The following MCCC1 variants were observed in gnomAD, a reference collection of about 807,000 sequenced individuals.
The protein encoded by MCCC1 is methylcrotonyl-CoA carboxylase subunit 1, also known as methylcrotonoyl-CoA carboxylase subunit alpha, mitochondrial.
In MCCC1, 64 loss-of-function variants were observed where a neutral mutation model predicts 83.8. The observed-to-expected ratio is 0.76, with a 90% CI of 0.62 to 0.94. The LOEUF (loss-of-function observed/expected upper bound fraction) is 0.94, where lower values mean the gene tolerates loss of function less well. MCCC1 is among the 40% of genes least tolerant of loss of function. The probability of loss-of-function intolerance (pLI) is 0.00; values close to 1 mark genes in which losing one functional copy is unlikely to be tolerated. For synonymous variants in MCCC1, 322 were observed against 315.4 expected, an observed-to-expected ratio of 1.02 and a Z score of -0.22; for missense variants, 807 against 904.7, an observed-to-expected ratio of 0.89 and a Z score of 1.39.
rs146246447 is a variant in MCCC1 at position 183,043,407 on chromosome 3, A to C, written c.1084-1657T>G. Among the ~76,000 whole-genome samples, 1,125 of 152,302 alleles carry C rather than the reference A, an allele frequency of 7.4e-3. 11 individuals are homozygous for C. Among genetic ancestry groups the C allele is most frequent in the African/African-American group, 0.026 (1,080 of 41,560 alleles). On this transcript the variant is annotated intron_variant, in intron 10 of 18. Transcript: ENST00000265594. Reference sequence around the variant, plus strand: ...GGTCTTTGGAGATATGTGCCATTTGAGTTCTCTCAGGCTGACACTGGCTCT... The same window carrying C: ...GGTCTTTGGAGATATGTGCCATTTGCGTTCTCTCAGGCTGACACTGGCTCT...
chr3:183,059,635 A>G (rs1030923284), intron 7 of MCCC1, among the ~76,000 whole-genome samples: 1 of 152,176 alleles, frequency 6.6e-6, no homozygotes, highest in Non-Finnish European at 1.5e-5. Context: ...TTCTGACCTA[A>G]AACATTTTAT....
At chr3:183,075,944 TA>T (rs1447595981) in intron 4 of MCCC1, among the ~76,000 whole-genome samples, 1 of 152,222 alleles carries the variant, frequency 6.6e-6, no homozygotes, top group Non-Finnish European at 1.5e-5. Context: ...ACTTTGCAAA[TA>T]TTTTCTCCCA....
intron 4 of MCCC1, among the ~76,000 whole-genome samples, chr3:183,074,774 G>T (rs1716942872): frequency 6.6e-6 from 1 of 152,150 alleles, no homozygotes. Flanking sequence ...GATTACACAG[G>T]TGAATACATG....
rs369093010 is a variant in MCCC1 at position 183,039,130 on chromosome 3, C to G, written c.1273G>C (p.Glu425Gln). 5 of 1,614,070 alleles carry G rather than the reference C, an allele frequency of 3.1e-6. No individual in the cohort carries two copies. The African/African-American group carries it at 6.7e-5, about 22-fold the overall frequency. ...RIETGVRQGD[E>Q]VSVHYDPMIA... Reference sequence around the variant, plus strand: ...ATGGGGTCATAATGCACGGAAACTTCGTCTCCTGAAATTGAAAACCACGGT... The same window carrying G: ...ATGGGGTCATAATGCACGGAAACTTGGTCTCCTGAAATTGAAAACCACGGT... The change falls in exon 12 of 19, where the codon GAA becomes CAA. Residue 425 changes from glutamate to glutamine, a missense_variant. By Grantham distance (29) the Glu-to-Gln change is conservative (BLOSUM62 2). Coordinates refer to ENST00000265594, the MANE Select transcript of MCCC1 (RefSeq NM_020166.5).
chr3:183,102,532 G>A (rs1162396304), upstream of MCCC1, among the ~76,000 whole-genome samples: 1 of 151,864 alleles, frequency 6.6e-6, no homozygotes, highest in East Asian at 1.9e-4. Context: ...TATTCACAGA[G>A]GCTTAATAGG....
At chr3:183,052,427 TG>T (rs1715048973) in intron 8 of MCCC1, among the ~76,000 whole-genome samples, 187 bp from the exon 9 acceptor site, 1 of 152,196 alleles carries the variant, frequency 6.6e-6, no homozygotes, top group African/African-American at 2.4e-5. Flanking sequence ...ACACTGTAGC[TG>T]TCATAACATC....
chr3:183,062,215 CT>C (rs1361042677), intron 7 of MCCC1, among the ~76,000 whole-genome samples: 1 of 152,200 alleles, frequency 6.6e-6, no homozygotes, highest in African/African-American at 2.4e-5. Context: ...ACACATACCA[CT>C]TCTGACTCTC....
intron 3 of MCCC1, among the ~76,000 whole-genome samples, chr3:183,091,759 T>C (rs1253925225): frequency 1.3e-5 from 2 of 152,074 alleles, no homozygotes; most frequent in African/African-American, 2.4e-5. Flanking sequence ...AGAGCCTGGA[T>C]TGGCTAGGCA....
rs754323766 is a variant in MCCC1 at position 183,015,405 on chromosome 3, A to G, written c.*33T>C. 6.2e-7 allele frequency: 1 copy of G among 1,613,518 alleles called. No homozygotes were observed. Among genetic ancestry groups the G allele is most frequent in the Admixed American group, 1.7e-5 (1 of 60,010 alleles). On this transcript the variant is annotated 3_prime_UTR_variant, in exon 19 of 19. Transcript: ENST00000265594. ...TTCCTCTTTTTGGTGGAGAGAGAAGACACTACTTAACTGGCCATTTCCTTG... is the reference window on the plus strand; with the variant it reads ...TTCCTCTTTTTGGTGGAGAGAGAAGGCACTACTTAACTGGCCATTTCCTTG...
upstream of MCCC1, among the ~76,000 whole-genome samples, chr3:183,104,016 G>A (rs1226107743): frequency 1.3e-5 from 2 of 152,104 alleles, no homozygotes; most frequent in African/African-American, 2.4e-5. Flanking sequence ...GCCCCGGGCC[G>A]GCAGGGCCGG....
intron 15 of MCCC1, among the ~76,000 whole-genome samples, chr3:183,023,731 C>G (rs954811262): frequency 6.6e-6 from 1 of 152,120 alleles, no homozygotes; most frequent in Non-Finnish European, 1.5e-5. Context: ...TCTCTTAGCT[C>G]ATATTAAAAA....
chr3:183,058,285 G>A (rs1715573681), intron 7 of MCCC1, among the ~76,000 whole-genome samples: 1 of 152,110 alleles, frequency 6.6e-6, no homozygotes, highest in Non-Finnish European at 1.5e-5. Context: ...TGGACCATTA[G>A]TATCTCAGAA....
chr3:183,063,725 A>C lies in MCCC1; in HGVS notation c.762-6303T>G, dbSNP rs536271928. Reference sequence around the variant, plus strand: ...GTCTGGATCAGGACCCCCGTCTGGTAACATCTTTCTGGTGACCACAGAAGG... The same window carrying C: ...GTCTGGATCAGGACCCCCGTCTGGTCACATCTTTCTGGTGACCACAGAAGG... On this transcript the variant is annotated intron_variant, in intron 7 of 18. Transcript: ENST00000265594. Among the ~76,000 whole-genome samples the C allele has an allele frequency of 2.0e-5, 3 of 152,194 alleles. No individual in the cohort carries two copies. The South Asian group carries it at 6.2e-4, about 32-fold the overall frequency.
At position 183,020,168 on chromosome 3, in the gene MCCC1, C is replaced by T. The variant is rs1385646451; in HGVS notation, c.1939G>A (p.Gly647Ser). Residue 647 changes from glycine to serine, a missense_variant, in exon 17 of 19, where the codon GGC (glycine) becomes AGC (serine). By Grantham distance (56) the Gly-to-Ser change is moderately conservative. Transcript: ENST00000265594. The part of the protein sequence containing the change: ...LSSVSSQETQ[G>S]GPLAPMTGTI... ...CCAGTCATAGGAGCTAAGGGGCCGCCCTGAGTTTCTTGTGAGCTCACAGAA... is the reference window on the plus strand; with the variant it reads ...CCAGTCATAGGAGCTAAGGGGCCGCTCTGAGTTTCTTGTGAGCTCACAGAA... The T allele has an allele frequency of 6.2e-7, 1 of 1,613,928 alleles. No individual in the cohort carries two copies. Among genetic ancestry groups the T allele is most frequent in the Non-Finnish European group, 8.5e-7 (1 of 1,179,980 alleles).
chr3:183,041,719 T>G lies in MCCC1; in HGVS notation c.1115A>C (p.Gln372Pro), dbSNP rs755328329. The G allele has an allele frequency of 1.9e-6, 3 of 1,614,106 alleles. No individual in the cohort carries two copies. The highest frequency in any genetic ancestry group is 1.6e-4 in the Middle Eastern group (1 of 6,084). The change falls in exon 11 of 19, where the codon CAG becomes CCG. Residue 372 changes from glutamine (Q) to proline (P), a missense_variant. Coordinates refer to ENST00000265594, the MANE Select transcript of MCCC1 (RefSeq NM_020166.5). ...ATGGCCCTGCAGAGTTATTTCTTCC[T>G]GGCTCAAAGGAATCTTCTCTCCTGC... ...IAAGEKIPLS[Q>P]EEITLQGHAF...
chr3:183,020,107 T>G, intron 17 of MCCC1, 23 bp downstream of exon 17: 1 of 1,556,586 alleles, frequency 6.4e-7, no homozygotes, highest in Non-Finnish European at 8.9e-7. Context: ...CTGAACATCA[T>G]TCTACAGATG....
At chr3:183,096,166 T>A (rs1718719163) in intron 1 of MCCC1, among the ~76,000 whole-genome samples, 1 of 152,018 alleles carries the variant, frequency 6.6e-6, no homozygotes, top group Non-Finnish European at 1.5e-5. Flanking sequence ...TGAAACCCCA[T>A]CTCTACTAAC....
At chr3:183,043,159 A>G (rs1012559159) in intron 10 of MCCC1, among the ~76,000 whole-genome samples, 5 of 152,166 alleles carry the variant, frequency 3.3e-5, no homozygotes, top group Admixed American at 2.0e-4. Context: ...GCATGGTGGC[A>G]CACGCCTGTA....
At chr3:183,044,620 A>G (rs1027644345) in intron 10 of MCCC1, among the ~76,000 whole-genome samples, 3 of 152,098 alleles carry the variant, frequency 2.0e-5, no homozygotes, top group Non-Finnish European at 4.4e-5. Context: ...AAACCGAATG[A>G]TGGCCTGGCC....
Sources: allele counts gnomAD v4.1 joint callset (sites outside exome capture counted in the v4.1 genomes callset), GRCh38; gene constraint gnomAD v4.1.1; transcripts MANE v1.5; gene names NCBI Gene and HGNC (gene_info 2026-07-23, HGNC 2026-07-21).